Variants in TTC6 observed in about 807,000 individuals in gnomAD.
TTC6 encodes the protein tetratricopeptide repeat protein 6.
Under a neutral mutation model 210.4 loss-of-function variants are expected in TTC6, and 172 were observed. The ratio of observed to expected loss-of-function variants is 0.82; its 90% CI spans 0.72 to 0.93. The LOEUF is 0.93. Among genes scored for constraint, TTC6 ranks in the 40% least tolerant of loss-of-function variants. The probability of loss-of-function intolerance (pLI) is 0.00; values close to 1 mark genes in which losing one functional copy is unlikely to be tolerated. For missense variants in TTC6, 2,414 were observed against 2,318.1 expected (o/e 1.04, Z -0.85); for synonymous variants, 804 against 819.6 (o/e 0.98, Z 0.32).
chr14:37,713,200 A>G (rs1381844481), intron 5 of TTC6, among the ~76,000 whole-genome samples: 21 of 152,222 alleles, frequency 1.4e-4, no homozygotes, highest in Admixed American at 1.2e-3. Context: ...TAACTGGAAC[A>G]CTGCTACAGA....
At chr14:37,660,843 A>C (rs983574743) in intron 1 of TTC6, among the ~76,000 whole-genome samples, 1 of 152,168 alleles carries the variant, frequency 6.6e-6, no homozygotes, top group African/African-American at 2.4e-5. Context: ...CTGTGCCAGA[A>C]TCTGTTGTTT....
chr14:37,756,767 T>C (rs2095969011), intron 14 of TTC6, among the ~76,000 whole-genome samples: 1 of 152,196 alleles, frequency 6.6e-6, no homozygotes, highest in African/African-American at 2.4e-5. Context: ...TATTGAGGAT[T>C]TTCACATCGA....
At chr14:37,830,750 A>AT (rs61409617) in intron 29 of TTC6, among the ~76,000 whole-genome samples, 115,868 of 151,426 alleles carry the variant, frequency 0.77, 49,422 homozygotes, top group Non-Finnish European at 0.94. Context: ...TCTAAAATAG[A>AT]TTTTTTTAAA....
intron 5 of TTC6, among the ~76,000 whole-genome samples, chr14:37,710,463 T>A (rs1173461226): frequency 6.6e-6 from 1 of 152,180 alleles, no homozygotes; most frequent in African/African-American, 2.4e-5. Flanking sequence ...AGACCAATAT[T>A]GACCCAAAAG....
intron 14 of TTC6, among the ~76,000 whole-genome samples, chr14:37,783,481 C>G (rs1445833661): frequency 6.6e-6 from 1 of 151,950 alleles, no homozygotes; most frequent in Non-Finnish European, 1.5e-5. Context: ...GTGATATCCC[C>G]TTTATTATTT....
At chr14:37,688,971 G>T (rs1192804781) in intron 3 of TTC6, among the ~76,000 whole-genome samples, 1 of 152,010 alleles carries the variant, frequency 6.6e-6, no homozygotes, top group Non-Finnish European at 1.5e-5. Context: ...ACTAAATAAG[G>T]CACCAAGGGC....
At chr14:37,734,433 G>C (rs1016570439) in intron 7 of TTC6, among the ~76,000 whole-genome samples, 1 of 152,136 alleles carries the variant, frequency 6.6e-6, no homozygotes, top group Non-Finnish European at 1.5e-5. Context: ...TGAGAACAAA[G>C]CATCTTTGAA....
chr14:37,751,188 TAACA>T lies in TTC6; in HGVS notation c.3099_3102del (p.Asn1033LysfsTer23), dbSNP rs1335448979. On this transcript the variant is annotated frameshift_variant, in exon 13 of 31. Transcript: ENST00000553443. LOFTEE classifies it high-confidence loss of function. ...TTCAGGAGGGGTGAGATGTATGAAATAACAAACAAAGTACTGGCCATTGATGACT... is the reference window on the plus strand; with the variant it reads ...TTCAGGAGGGGTGAGATGTATGAAATAACAAAGTACTGGCCATTGATGACT... 2.4e-5 allele frequency: 37 copies of T among 1,530,008 alleles called. No individual in the cohort carries two copies. Among genetic ancestry groups the T allele is most frequent in the Admixed American group, 5.9e-5 (3 of 50,624 alleles). The allele number at this position is 1,530,008 out of a possible 1,614,324, so 94.8% of individuals were successfully genotyped here. A position where few individuals can be genotyped will look rare whatever the true frequency, so the allele number is the denominator to read the frequency against.
chr14:37,762,047 A>G (rs1395144867), intron 14 of TTC6, among the ~76,000 whole-genome samples: 2 of 152,216 alleles, frequency 1.3e-5, no homozygotes, highest in Non-Finnish European at 2.9e-5. Context: ...TTTGTTTTAG[A>G]TTCCACATAT....
intron 5 of TTC6, among the ~76,000 whole-genome samples, chr14:37,703,318 A>T (rs1306948699): frequency 6.6e-6 from 1 of 152,088 alleles, no homozygotes; most frequent in African/African-American, 2.4e-5. Flanking sequence ...TAAATGTTCT[A>T]TTTGATGAGG....
At chr14:37,822,663 C>G (rs1251396615) in intron 26 of TTC6, among the ~76,000 whole-genome samples, 1 of 152,124 alleles carries the variant, frequency 6.6e-6, no homozygotes, top group Non-Finnish European at 1.5e-5. Context: ...TTCTGGCTAC[C>G]TTGTTGAGAT....
chr14:37,722,407 T>C (rs1000800465), intron 6 of TTC6, among the ~76,000 whole-genome samples: 2 of 152,168 alleles, frequency 1.3e-5, no homozygotes, highest in Non-Finnish European at 2.9e-5. Flanking sequence ...CTCCTGAAGG[T>C]GCATCTGTAC....
exon 17 of TTC6, chr14:37,792,358 A>G (rs570840093): frequency 1.6e-5 from 24 of 1,532,856 alleles, no homozygotes; most frequent in South Asian, 3.6e-5. Context: ...TGAGGCTATT[A>G]GAATTGATCC....
intron 1 of TTC6, among the ~76,000 whole-genome samples, chr14:37,677,618 A>C (rs1431048930): frequency 6.6e-6 from 1 of 151,888 alleles, no homozygotes; most frequent in Non-Finnish European, 1.5e-5. Context: ...ATATTTGGAA[A>C]ATTTTTGGCC....
intron 7 of TTC6, among the ~76,000 whole-genome samples, chr14:37,726,652 T>C (rs530167205): frequency 6.6e-6 from 1 of 152,262 alleles, no homozygotes; most frequent in African/African-American, 2.4e-5. Flanking sequence ...TTTAATATTC[T>C]GAAATTGATA....
At chr14:37,783,362 G>A (rs28844402) in intron 14 of TTC6, among the ~76,000 whole-genome samples, 56,496 of 151,640 alleles carry the variant, frequency 0.37, 11,250 homozygotes, top group Non-Finnish European at 0.46. Flanking sequence ...GTCTTGGGAG[G>A]GTGTATGTGT....
chr14:37,781,213 C>T (rs2096053886), intron 14 of TTC6, among the ~76,000 whole-genome samples: 1 of 152,168 alleles, frequency 6.6e-6, no homozygotes, highest in South Asian at 2.1e-4. Flanking sequence ...CACTGTCTTC[C>T]ACAATGGTTG....
chr14:37,738,606 A>C lies in TTC6; in HGVS notation c.1984-170A>C, dbSNP rs1323259034. Among the ~76,000 whole-genome samples the C allele has an allele frequency of 2.0e-5, 3 of 152,182 alleles. No individual in the cohort carries two copies. The East Asian group carries it at 5.8e-4, about 29-fold the overall frequency. ...TGTACTTTGCTTGAACTAACCCACT[A>C]TTAACTTTATCAGCTGACTTTTGAA... is the stretch of plus-strand genomic sequence containing the variant. On this transcript the variant is annotated intron_variant, in intron 9 of 30. Coordinates refer to ENST00000553443, the Ensembl canonical transcript of TTC6.
intron 14 of TTC6, among the ~76,000 whole-genome samples, chr14:37,766,864 G>A (rs539370778): frequency 6.6e-5 from 10 of 151,856 alleles, no homozygotes; most frequent in Admixed American, 2.6e-4. Flanking sequence ...GGTTAGTTAC[G>A]TATGTATACA....
Sources: allele counts gnomAD v4.1 joint callset (sites outside exome capture counted in the v4.1 genomes callset), GRCh38; gene constraint gnomAD v4.1.1; transcripts MANE v1.5; gene names NCBI Gene and HGNC (gene_info 2026-07-23, HGNC 2026-07-21).